TAFA1: variants seen among roughly 807,000 people sequenced by gnomAD.
TAFA1 encodes the protein TAFA chemokine like family member 1, also known as chemokine-like protein TAFA-1.
A neutral mutation model predicts 18.5 loss-of-function variants in TAFA1; 4 were observed. The observed-to-expected ratio is 0.22, with a 90% CI of 0.11 to 0.49. TAFA1 has a LOEUF of 0.49. Among genes scored for constraint, TAFA1 ranks in the 20% least tolerant of loss-of-function variants. The pLI is 0.98. For synonymous variants in TAFA1, 56 were observed against 55.2 expected, an observed-to-expected ratio of 1.01 and a Z score of -0.06; for missense variants, 147 against 169.0, an observed-to-expected ratio of 0.87 and a Z score of 0.72.
chr3:68,106,682 A>C (rs1459793021), intron 2 of TAFA1, among the ~76,000 whole-genome samples: 1 of 152,182 alleles, frequency 6.6e-6, no homozygotes, highest in African/African-American at 2.4e-5. Flanking sequence ...AAATGCTTAC[A>C]ATGAAATATC....
chr3:68,295,921 G>T (rs577524757), intron 2 of TAFA1, among the ~76,000 whole-genome samples: 68 of 152,202 alleles, frequency 4.5e-4, no homozygotes, highest in African/African-American at 1.6e-3. Flanking sequence ...GACCAGCTAT[G>T]TTTCAGTTTT....
chr3:68,310,360 AG>A (rs1182585748), intron 2 of TAFA1, among the ~76,000 whole-genome samples: 1 of 152,166 alleles, frequency 6.6e-6, no homozygotes, highest in Admixed American at 6.5e-5. Flanking sequence ...TTTAAATAAA[AG>A]TGTTTGTAAT....
intron 2 of TAFA1, among the ~76,000 whole-genome samples, chr3:68,263,285 C>T (rs2067472150): frequency 6.6e-6 from 1 of 152,016 alleles, no homozygotes; most frequent in South Asian, 2.1e-4. Context: ...TTTGCTAATA[C>T]CTGACATACA....
chr3:68,273,572 C>T (rs1218206478), intron 2 of TAFA1, among the ~76,000 whole-genome samples: 2 of 152,146 alleles, frequency 1.3e-5, no homozygotes, highest in African/African-American at 2.4e-5. Flanking sequence ...AGAGAACAAC[C>T]TGAAGGCAGA....
intron 2 of TAFA1, among the ~76,000 whole-genome samples, chr3:68,403,969 C>G (rs1251089465): frequency 6.6e-6 from 1 of 152,198 alleles, no homozygotes; most frequent in Admixed American, 6.5e-5. Context: ...ATTGGCATCC[C>G]TAATGGCTGC....
intron 3 of TAFA1, among the ~76,000 whole-genome samples, chr3:68,538,517 C>T (rs890396587): frequency 6.6e-6 from 1 of 152,180 alleles, no homozygotes; most frequent in African/African-American, 2.4e-5. Flanking sequence ...TTTGAAAAGG[C>T]AGTCTCAATC....
chr3:68,380,096 C>T (rs146283933), intron 2 of TAFA1, among the ~76,000 whole-genome samples: 2,542 of 152,246 alleles, frequency 0.017, 86 homozygotes, highest in African/African-American at 0.059. Context: ...AGGACATGAA[C>T]TCATCCTTTT....
intron 2 of TAFA1, among the ~76,000 whole-genome samples, chr3:68,286,905 G>T (rs953484568): frequency 2.0e-5 from 3 of 152,210 alleles, no homozygotes; most frequent in Admixed American, 1.3e-4. Context: ...CAGGCCCCCT[G>T]ACATCAAGCT....
At chr3:68,096,679 C>T (rs1363993300) in intron 2 of TAFA1, among the ~76,000 whole-genome samples, 1 of 152,072 alleles carries the variant, frequency 6.6e-6, no homozygotes, top group Non-Finnish European at 1.5e-5. Context: ...AAAGCCTGTA[C>T]TCTTAAATTA....
chr3:68,513,429 G>C (rs2072878470), intron 3 of TAFA1, among the ~76,000 whole-genome samples: 1 of 152,064 alleles, frequency 6.6e-6, no homozygotes, highest in African/African-American at 2.4e-5. Context: ...TGACTGAGAA[G>C]GAACTTTAAT....
intron 2 of TAFA1, among the ~76,000 whole-genome samples, chr3:68,025,825 C>T (rs1014997115): frequency 6.6e-6 from 1 of 152,142 alleles, no homozygotes; most frequent in African/African-American, 2.4e-5. Context: ...TAATTTCACC[C>T]TCATCTCAGA....
intron 2 of TAFA1, among the ~76,000 whole-genome samples, chr3:68,348,323 C>A (rs966337301): frequency 6.6e-6 from 1 of 152,116 alleles, no homozygotes; most frequent in African/African-American, 2.4e-5. Flanking sequence ...TTTTATGTAT[C>A]ATTATACTCA....
intron 2 of TAFA1, among the ~76,000 whole-genome samples, chr3:68,371,373 C>T (rs1215207437): frequency 6.6e-6 from 1 of 152,088 alleles, no homozygotes; most frequent in Non-Finnish European, 1.5e-5. Context: ...GCTCTCTCTC[C>T]CCTTGCCCCC....
intron 3 of TAFA1, among the ~76,000 whole-genome samples, chr3:68,461,488 C>G (rs951308751): frequency 1.3e-5 from 2 of 151,088 alleles, no homozygotes; most frequent in Non-Finnish European, 2.9e-5. Context: ...CTCAGCCGCT[C>G]TGGCTGTTCT....
chr3:68,059,352 A>C (rs1003632224), intron 2 of TAFA1, among the ~76,000 whole-genome samples: 20 of 152,146 alleles, frequency 1.3e-4, no homozygotes, highest in Non-Finnish European at 2.8e-4. Flanking sequence ...AGATTCTATT[A>C]TTTGAATGCG....
intron 2 of TAFA1, among the ~76,000 whole-genome samples, chr3:68,413,449 T>G (rs2070754526): frequency 6.6e-6 from 1 of 152,220 alleles, no homozygotes; most frequent in African/African-American, 2.4e-5. Context: ...GATTACTTTC[T>G]TTAATATTAT....
At chr3:68,389,448 A>C (rs916545748) in intron 2 of TAFA1, among the ~76,000 whole-genome samples, 1 of 152,214 alleles carries the variant, frequency 6.6e-6, no homozygotes, top group Non-Finnish European at 1.5e-5. Flanking sequence ...CTTTTGCAAG[A>C]ATATCAATAG....
intron 2 of TAFA1, among the ~76,000 whole-genome samples, chr3:68,234,776 G>A (rs1474764327): frequency 1.3e-5 from 2 of 152,198 alleles, no homozygotes; most frequent in African/African-American, 4.8e-5. Flanking sequence ...ATTGGTGTTT[G>A]CTGTAAATAT....
intron 2 of TAFA1, among the ~76,000 whole-genome samples, chr3:68,265,747 C>A (rs2067529426): frequency 6.6e-6 from 1 of 152,164 alleles, no homozygotes; most frequent in Non-Finnish European, 1.5e-5. Context: ...ATTCCCCTGG[C>A]TGTGAACTGT....
Sources: allele counts gnomAD v4.1 joint callset (sites outside exome capture counted in the v4.1 genomes callset), GRCh38; gene constraint gnomAD v4.1.1; transcripts MANE v1.5; gene names NCBI Gene and HGNC (gene_info 2026-07-23, HGNC 2026-07-21).